TBXAS1: variants seen among roughly 807,000 people sequenced by gnomAD.
TBXAS1 encodes thromboxane A synthase 1.
A neutral mutation model predicts 60.7 loss-of-function variants in TBXAS1; 48 were observed. That is an observed-to-expected ratio of 0.79 (90% confidence interval 0.63 to 1.01). The LOEUF (loss-of-function observed/expected upper bound fraction) is 1.01, where lower values mean the gene tolerates loss of function less well. Ranked by LOEUF, TBXAS1 falls within the 50% of genes least tolerant of loss-of-function variation. The pLI is 0.00. For synonymous variants in TBXAS1, 287 were observed against 269.7 expected, an observed-to-expected ratio of 1.06 and a Z score of -0.63; for missense variants, 685 against 686.3, an observed-to-expected ratio of 1.00 and a Z score of 0.02.
intron 10 of TBXAS1, among the ~76,000 whole-genome samples, chr7:140,008,773 A>G (rs1271336724): frequency 6.6e-6 from 1 of 152,178 alleles, no homozygotes; most frequent in Non-Finnish European, 1.5e-5. Flanking sequence ...ATTGATATCC[A>G]GCTTTCTTCC....
intron 3 of TBXAS1, among the ~76,000 whole-genome samples, chr7:139,784,975 G>A (rs1455597471): frequency 4.6e-5 from 7 of 152,156 alleles, no homozygotes; most frequent in Admixed American, 3.9e-4. Flanking sequence ...TGCCTGCATC[G>A]AAGGGGCTTT....
Position 139,961,994 on chromosome 7 carries a change from A to G in TBXAS1, c.895A>G (p.Ile299Val), listed in dbSNP as rs1810392593. ...TCCCATGGGCGTGCAAGACTTTGACATCGTCAGAGACGTTTTCTCCTCTAC... is the reference window on the plus strand; with the variant it reads ...TCCCATGGGCGTGCAAGACTTTGACGTCGTCAGAGACGTTTTCTCCTCTAC... The part of the protein sequence containing the change: ...ASPMGVQDFD[I>V]VRDVFSSTGC... The change falls in exon 9 of 13, where the codon ATC becomes GTC. Residue 299 changes from isoleucine to valine, a missense_variant. Ile to Val is a conservative substitution (Grantham distance 29, BLOSUM62 3). Transcript: ENST00000448866. 1 of 1,614,254 alleles carries G rather than the reference A, an allele frequency of 6.2e-7. No individual in the cohort carries two copies. Among genetic ancestry groups the G allele is most frequent in the Non-Finnish European group, 8.5e-7 (1 of 1,180,046 alleles).
chr7:139,835,243 T>G (rs1294976164), intron 1 of TBXAS1, among the ~76,000 whole-genome samples: 1 of 151,740 alleles, frequency 6.6e-6, no homozygotes, highest in Non-Finnish European at 1.5e-5. Flanking sequence ...TTTTTTGTAT[T>G]TTTTTTAGTA....
At chr7:139,985,820 G>A (rs1037193472) in intron 9 of TBXAS1, among the ~76,000 whole-genome samples, 2 of 152,200 alleles carry the variant, frequency 1.3e-5, no homozygotes, top group Admixed American at 6.5e-5. Flanking sequence ...GAATGAATGG[G>A]TGGACGGCGC....
At position 139,951,890 on chromosome 7, in the gene TBXAS1, G is replaced by GAGA. The variant is rs1569518344; in HGVS notation, c.451-1478_451-1477insAGA. Among the ~76,000 whole-genome samples the GAGA allele has an allele frequency of 1.0e-4, 3 of 29,122 alleles. 1 individual carries two copies. Among genetic ancestry groups the GAGA allele is most frequent in the African/African-American group, 4.3e-4 (3 of 7,000 alleles). The allele number at this position is 29,122 out of a possible 152,430, so 19.1% of individuals were successfully genotyped here. A position where few individuals can be genotyped will look rare whatever the true frequency, so the allele number is the denominator to read the frequency against. On this transcript the variant is annotated intron_variant, in intron 5 of 12. Coordinates refer to ENST00000448866, the MANE Select transcript of TBXAS1 (RefSeq NM_001061.7). ...AGGAAGGAAGGAAGGAAAGAAGGAA[G>GAGA]GAAGGAAGGAAAGAAAGAGAAAGAA...
At chr7:139,809,225 TAGATAGATGATAGATA>T (rs1423803524) in intron 4 of TBXAS1, among the ~76,000 whole-genome samples, 2 of 108,706 alleles carry the variant, frequency 1.8e-5, no homozygotes, top group Non-Finnish European at 3.9e-5. Context: ...GATAGATAGA[TAGATAGATGATAGATA>T]GATAGATAGA....
chr7:139,824,119 T>A (rs1021125164), intron 4 of TBXAS1, among the ~76,000 whole-genome samples: 1 of 152,146 alleles, frequency 6.6e-6, no homozygotes, highest in Admixed American at 6.5e-5. Context: ...TACCACAGAA[T>A]TTATGGAGTG....
In TBXAS1 at chr7:139,962,221, T is replaced by C; in HGVS notation, c.1122T>C (p.Phe374=). 5.0e-6 allele frequency: 8 copies of C among 1,614,200 alleles called. No individual in the cohort carries two copies. The highest frequency in any genetic ancestry group is 5.9e-6 in the Non-Finnish European group (7 of 1,180,040). The change falls in exon 9 of 13, where the codon TTT becomes TTC. Residue 374 remains phenylalanine (F), a synonymous_variant. Transcript: ENST00000448866. ...QEKLLREVDV[F]KEKHMAPEFC... ...AGCTTCTGAGAGAGGTAGACGTTTTTAAGGAGAAACACGTGAGTACAAGTT... is the reference window on the plus strand; with the variant it reads ...AGCTTCTGAGAGAGGTAGACGTTTTCAAGGAGAAACACGTGAGTACAAGTT...
At chr7:139,786,531 G>C (rs1447135023) in intron 3 of TBXAS1, among the ~76,000 whole-genome samples, 1 of 151,964 alleles carries the variant, frequency 6.6e-6, no homozygotes, top group Non-Finnish European at 1.5e-5. Flanking sequence ...TTAAGCCTAG[G>C]GTTCTTTTTT....
intron 4 of TBXAS1, among the ~76,000 whole-genome samples, chr7:139,923,189 TG>T (rs1806612143): frequency 6.6e-6 from 1 of 152,012 alleles, no homozygotes; most frequent in African/African-American, 2.4e-5. Flanking sequence ...TAGCCAGGCA[TG>T]GTGGCGCATG....
rs150820501 is a variant in TBXAS1, at chr7:140,017,677, G to A, written c.1371G>A (p.Thr457=). The A allele has an allele frequency of 2.8e-5, 45 of 1,612,884 alleles. No individual in the cohort carries two copies. The African/African-American group carries it at 2.9e-4, about 11-fold the overall frequency. ...SPETFNPERF[T]AEARQQHRPF... is the part of the protein sequence containing the mutation. ...TGACCACACGGACCTGCAGGTTCACGGCTGAGGCCCGGCAGCAGCACCGGC... is the reference window on the plus strand; with the variant it reads ...TGACCACACGGACCTGCAGGTTCACAGCTGAGGCCCGGCAGCAGCACCGGC... The change falls in exon 12 of 13, where the codon ACG becomes ACA. Residue 457 remains threonine (T), a synonymous_variant. Transcript: ENST00000448866.
intron 1 of TBXAS1, among the ~76,000 whole-genome samples, chr7:139,856,909 C>T (rs932788668): frequency 2.6e-5 from 4 of 152,108 alleles, no homozygotes; most frequent in Non-Finnish European, 5.9e-5. Context: ...GGCGTTATGG[C>T]GTCAACACCA....
rs760857984 is a variant in TBXAS1 at position 139,949,192 on chromosome 7, C to T, written c.451-4176C>T. Among the ~76,000 whole-genome samples, 30 of 152,182 alleles carry T rather than the reference C, an allele frequency of 2.0e-4. 1 individual carries two copies. Among genetic ancestry groups the T allele is most frequent in the Non-Finnish European group, 3.4e-4 (23 of 68,034 alleles). On this transcript the variant is annotated intron_variant, in intron 5 of 12. Transcript: ENST00000448866. ...GTTTGGATTCAGAATGGGTGGCCCC[C>T]TCTTTATACACAGGGCATGCCTCTG...
intron 4 of TBXAS1, among the ~76,000 whole-genome samples, chr7:139,930,315 A>G (rs1807217165): frequency 6.6e-6 from 1 of 152,202 alleles, no homozygotes; most frequent in Non-Finnish European, 1.5e-5. Flanking sequence ...ACGGAGCTTC[A>G]TTTTGTTCAC....
intron 3 of TBXAS1, among the ~76,000 whole-genome samples, chr7:139,903,139 C>T (rs563819182): frequency 3.9e-5 from 6 of 152,144 alleles, no homozygotes; most frequent in South Asian, 4.1e-4. Flanking sequence ...TTGTATCATT[C>T]GTATGCCTTT....
chr7:139,912,620 G>A (rs1407721564), intron 4 of TBXAS1, among the ~76,000 whole-genome samples: 1 of 152,202 alleles, frequency 6.6e-6, no homozygotes, highest in Non-Finnish European at 1.5e-5. Flanking sequence ...AGGCAGACAA[G>A]GAAAGGGACC....
chr7:139,872,417 G>A (rs1223318057), intron 2 of TBXAS1, 89 bp downstream of exon 2: 3 of 1,325,402 alleles, frequency 2.3e-6, no homozygotes, highest in Non-Finnish European at 3.2e-6. Flanking sequence ...CACTTTGGGA[G>A]GCCGAAGCGT....
chr7:139,816,045 A>G (rs565598392), intron 4 of TBXAS1, among the ~76,000 whole-genome samples: 1 of 152,166 alleles, frequency 6.6e-6, no homozygotes, highest in South Asian at 2.1e-4. Context: ...AGTTTCTCCC[A>G]TGTTGCTGTC....
chr7:139,780,928 C>T (rs1796964305), intron 2 of TBXAS1: 1 of 154,440 alleles, frequency 6.5e-6, no homozygotes, highest in East Asian at 1.9e-4. Context: ...CAGTAACTGC[C>T]TCTAAGTCCA....
Sources: allele counts gnomAD v4.1 joint callset (sites outside exome capture counted in the v4.1 genomes callset), GRCh38; gene constraint gnomAD v4.1.1; transcripts MANE v1.5; gene names NCBI Gene and HGNC (gene_info 2026-07-23, HGNC 2026-07-21).